EFCAB13: variants seen among roughly 807,000 people sequenced by gnomAD.
EFCAB13 encodes the protein EF-hand calcium-binding domain-containing protein 13.
In EFCAB13, 91 loss-of-function variants were observed where a neutral mutation model predicts 110.2. The observed-to-expected ratio is 0.83, with a 90% confidence interval of 0.70 to 0.98. The LOEUF is 0.98. Ranked by LOEUF, EFCAB13 falls within the 50% of genes least tolerant of loss-of-function variation. The pLI is 0.00. For missense variants in EFCAB13, 968 were observed against 1,119.4 expected (o/e 0.86, Z 1.93); for synonymous variants, 323 against 369.9 (o/e 0.87, Z 1.45).
At chr17:47,344,136 A>G (rs1423093083) in intron 6 of EFCAB13, 26 bp from the exon 7 acceptor site, 1 of 1,607,108 alleles carries the variant, frequency 6.2e-7, no homozygotes, top group South Asian at 1.1e-5. Context: ...CACCTCAGGC[A>G]CCAACATACT....
intron 5 of EFCAB13, among the ~76,000 whole-genome samples, chr17:47,338,304 C>T (rs1056450429): frequency 6.7e-6 from 1 of 149,454 alleles, no homozygotes; most frequent in African/African-American, 2.5e-5. Context: ...GGCTGGAGTG[C>T]AGTGGCATGA....
chr17:47,361,320 A>G, intron 9 of EFCAB13, 58 bp from the exon 10 acceptor site: 1 of 1,566,538 alleles, frequency 6.4e-7, no homozygotes, highest in Non-Finnish European at 8.7e-7. Context: ...ACACAAAATC[A>G]ACTGCTTTTC....
chr17:47,404,021 G>A lies in EFCAB13; in HGVS notation c.2161G>A (p.Glu721Lys). The change falls in exon 19 of 25, where the codon GAA becomes AAA. Residue 721 changes from glutamate (E) to lysine (K), a missense_variant and splice_region_variant. Physicochemically the swap from Glu to Lys is moderately conservative, Grantham distance 56 (BLOSUM62 1). Coordinates refer to ENST00000331493, the MANE Select transcript of EFCAB13 (RefSeq NM_152347.5). Reference sequence around the variant, plus strand: ...AATTCTTCAATCAGATTTTGTTTCTGGTAAGCATTTTAAATATTACTCTCA... The same window carrying A: ...AATTCTTCAATCAGATTTTGTTTCTAGTAAGCATTTTAAATATTACTCTCA... ...EKILQSDFVS[E>K]DNMVNIKDCM... is the part of the protein sequence containing the mutation. The A allele has an allele frequency of 6.3e-7, 1 of 1,582,960 alleles. No homozygotes were observed.
At chr17:47,426,745 A>T (rs1904976630) in intron 23 of EFCAB13, among the ~76,000 whole-genome samples, 1 of 152,192 alleles carries the variant, frequency 6.6e-6, no homozygotes, top group Admixed American at 6.5e-5. Context: ...TTGGCGATGC[A>T]TATATGGAAA....
At chr17:47,358,283 A>G (rs2065492180) in intron 9 of EFCAB13, among the ~76,000 whole-genome samples, 1 of 152,196 alleles carries the variant, frequency 6.6e-6, no homozygotes, top group African/African-American at 2.4e-5. Context: ...TAGTAAAAAG[A>G]TCAAGCATAC....
chr17:47,412,699 C>T, intron 21 of EFCAB13, 74 bp from the exon 22 acceptor site: 6 of 1,375,622 alleles, frequency 4.4e-6, no homozygotes, highest in East Asian at 2.4e-5. Context: ...TGAGGTTTAC[C>T]TATGGTAGAT....
At position 47,344,292 on chromosome 17, in the gene EFCAB13, G is replaced by A. The variant is rs202126404; in HGVS notation, c.434G>A (p.Arg145Gln). The change falls in exon 7 of 25, where the codon CGG (arginine) becomes CAG (glutamine). Residue 145 changes from arginine to glutamine, a missense_variant and splice_region_variant. Coordinates refer to ENST00000331493, the MANE Select transcript of EFCAB13 (RefSeq NM_152347.5). ...SPLCTSSAIT[R>Q]EKEMLSNLYM... ...CTTTGTACATCTTCTGCAATTACTC[G>A]GTATTTAAATCCTTGTACTCTATTT... The A allele has an allele frequency of 6.2e-6, 10 of 1,610,010 alleles. No individual in the cohort carries two copies. Among genetic ancestry groups the A allele is most frequent in the East Asian group, 2.2e-5 (1 of 44,610 alleles).
At chr17:47,420,530 C>G (rs1271309510) in intron 23 of EFCAB13, among the ~76,000 whole-genome samples, 2 of 151,518 alleles carry the variant, frequency 1.3e-5, no homozygotes, top group Non-Finnish European at 1.5e-5. Context: ...GCCATCCCAT[C>G]TAGGAAGTGA....
Position 47,412,859 on chromosome 17 carries a change from A to T in EFCAB13, c.2365A>T (p.Asn789Tyr). The T allele has an allele frequency of 6.2e-7, 1 of 1,613,892 alleles. No homozygotes were observed. The highest frequency in any genetic ancestry group is 1.1e-5 in the South Asian group (1 of 91,060). The stretch of plus-strand genomic sequence containing the variant: ...TTTGGAGCATGCCTTGAAATGTTTG[A>T]ATGTTAATTTAACTGAGGAGGACTT... Reference protein sequence around the residue: ...PDLEHALKCLNVNLTEEDFNE... With the variant: ...PDLEHALKCLYVNLTEEDFNE... Residue 789 changes from asparagine to tyrosine, a missense_variant, in exon 22 of 25, where the codon AAT becomes TAT. Transcript: ENST00000331493.
chr17:47,374,687 C>A lies in EFCAB13; in HGVS notation c.1093C>A (p.Gln365Lys). 6.2e-7 allele frequency: 1 copy of A among 1,612,258 alleles called. No individual in the cohort carries two copies. The highest frequency in any genetic ancestry group is 1.3e-5 in the African/African-American group (1 of 74,766). Reference sequence around the variant, plus strand: ...ATCTAAAAGACCAAAAAATACTTGGCAAATAAGAAAATTTCTGGGTGGGGT... The same window carrying A: ...ATCTAAAAGACCAAAAAATACTTGGAAAATAAGAAAATTTCTGGGTGGGGT... ...LESKRPKNTWQIRKFLGGVGS... is the reference protein window; with the variant it reads ...LESKRPKNTWKIRKFLGGVGS... Residue 365 changes from glutamine to lysine, a missense_variant, in exon 12 of 25, where the codon CAA (glutamine) becomes AAA (lysine). Gln to Lys is a moderately conservative substitution (Grantham distance 53). Coordinates refer to ENST00000331493, the MANE Select transcript of EFCAB13 (RefSeq NM_152347.5).
Position 47,404,617 on chromosome 17 carries a change from A to G in EFCAB13, c.2217A>G (p.Lys739=). Residue 739 remains lysine (K), a synonymous_variant, in exon 20 of 25, where the codon AAA becomes AAG. Coordinates refer to ENST00000331493, the MANE Select transcript of EFCAB13 (RefSeq NM_152347.5). Reference sequence around the variant, plus strand: ...TGAGGGCTTTGAGGGACACCCAGAAATTTTCCAATTATATTGGTAAGAGCT... The same window carrying G: ...TGAGGGCTTTGAGGGACACCCAGAAGTTTTCCAATTATATTGGTAAGAGCT... The part of the protein sequence containing the change: ...DCMRALRDTQ[K]FSNYIDFRKE... 1 of 1,612,242 alleles carries G rather than the reference A, an allele frequency of 6.2e-7. No homozygotes were observed. Among genetic ancestry groups the G allele is most frequent in the Non-Finnish European group, 8.5e-7 (1 of 1,178,790 alleles).
intron 9 of EFCAB13, among the ~76,000 whole-genome samples, chr17:47,352,155 G>A (rs1316875922): frequency 1.3e-5 from 2 of 151,558 alleles, no homozygotes; most frequent in African/African-American, 2.4e-5. Flanking sequence ...TCCCACCTCG[G>A]CCTCCCAAAG....
At position 47,347,904 on chromosome 17, in the gene EFCAB13, T is replaced by A; in HGVS notation, c.614T>A (p.Ile205Lys). ...PVILCILRIS[I>K]SDLEMRQALK... ...ATCCTTTGCATCTTGAGAATTTCTATAAGTGATTTAGAAATGCGACAGGCA... is the reference window on the plus strand; with the variant it reads ...ATCCTTTGCATCTTGAGAATTTCTAAAAGTGATTTAGAAATGCGACAGGCA... The change falls in exon 9 of 25, where the codon ATA becomes AAA. Residue 205 changes from isoleucine to lysine, a missense_variant. Ile to Lys is a moderately radical substitution (Grantham distance 102, BLOSUM62 -3). Transcript: ENST00000331493. The A allele has an allele frequency of 6.5e-7, 1 of 1,542,352 alleles. No homozygotes were observed. Among genetic ancestry groups the A allele is most frequent in the East Asian group, 2.3e-5 (1 of 43,686 alleles).
At chr17:47,325,374 G>C (rs2065276110) in intron 2 of EFCAB13, among the ~76,000 whole-genome samples, 1 of 152,024 alleles carries the variant, frequency 6.6e-6, no homozygotes, top group South Asian at 2.1e-4. Flanking sequence ...CAGGAACCCA[G>C]ACCTACCTGA....
intron 14 of EFCAB13, among the ~76,000 whole-genome samples, chr17:47,384,449 G>T (rs2065665199): frequency 6.6e-6 from 1 of 151,330 alleles, no homozygotes; most frequent in African/African-American, 2.4e-5. Flanking sequence ...GCAGTGGCTG[G>T]TATTAAGAAA....
At chr17:47,350,243 G>T (rs1279923963) in intron 9 of EFCAB13, among the ~76,000 whole-genome samples, 1 of 152,132 alleles carries the variant, frequency 6.6e-6, no homozygotes, top group East Asian at 1.9e-4. Context: ...AAAATGAGGA[G>T]TGAATTTTGT....
At chr17:47,414,036 T>G (rs540192490) in intron 22 of EFCAB13, among the ~76,000 whole-genome samples, 1 of 152,306 alleles carries the variant, frequency 6.6e-6, no homozygotes, top group Non-Finnish European at 1.5e-5. Flanking sequence ...CAGTTAACTT[T>G]TTGTTATTTC....
At chr17:47,418,753 A>G (rs937448219) in intron 23 of EFCAB13, among the ~76,000 whole-genome samples, 1 of 152,134 alleles carries the variant, frequency 6.6e-6, no homozygotes, top group Non-Finnish European at 1.5e-5. Flanking sequence ...GTCCATTTTT[A>G]TCTTTTTTGT....
chr17:47,427,947 TA>T (rs1905017932), intron 23 of EFCAB13, among the ~76,000 whole-genome samples: 1 of 152,000 alleles, frequency 6.6e-6, no homozygotes, highest in Non-Finnish European at 1.5e-5. Flanking sequence ...TTAAAAGCTT[TA>T]AAAAAGGGTT....
Sources: allele counts gnomAD v4.1 joint callset (sites outside exome capture counted in the v4.1 genomes callset), GRCh38; gene constraint gnomAD v4.1.1; transcripts MANE v1.5; gene names NCBI Gene and HGNC (gene_info 2026-07-23, HGNC 2026-07-21).